ADI1: variants seen among roughly 807,000 people sequenced by gnomAD.
ADI1 encodes acireductone dioxygenase 1.
ADI1 carries 21 observed loss-of-function variants against 18.7 expected under a neutral mutation model. The ratio of observed to expected loss-of-function variants is 1.13; its 90% CI spans 0.80 to 1.62. The LOEUF is 1.62. ADI1 is among the 40% of genes most tolerant of loss of function. The pLI, the probability that ADI1 is intolerant of heterozygous loss-of-function variation, is 0.00. For missense variants in ADI1, 245 were observed against 254.9 expected, an observed-to-expected ratio of 0.96 and a Z score of 0.26; for synonymous variants, 90 against 100.1, an observed-to-expected ratio of 0.90 and a Z score of 0.60.
Position 3,500,831 on chromosome 2 carries a change from A to G in ADI1, c.403T>C (p.Phe135Leu), listed in dbSNP as rs201541392. ...VTLPAGIYHRFTVDEKNYTKA... is the reference protein window; with the variant it reads ...VTLPAGIYHRLTVDEKNYTKA... ...ACTCCCACCTTCTCGTCCACCGTGA[A>G]GCGGTGATAGATCCCCGCGGGGAGC... is the stretch of plus-strand genomic sequence containing the variant. Residue 135 changes from phenylalanine (F) to leucine (L), a missense_variant, in exon 3 of 4, where the codon TTC (phenylalanine) becomes CTC (leucine). Physicochemically the swap from Phe to Leu is conservative, Grantham distance 22 (BLOSUM62 0). Transcript: ENST00000327435. The G allele has an allele frequency of 2.5e-6, 4 of 1,614,196 alleles. No individual in the cohort carries two copies. Among genetic ancestry groups the G allele is most frequent in the African/African-American group, 1.3e-5 (1 of 75,072 alleles).
At chr2:3,502,281 T>C (rs185132144) in intron 2 of ADI1, among the ~76,000 whole-genome samples, 2 of 152,314 alleles carry the variant, frequency 1.3e-5, no homozygotes, top group East Asian at 3.9e-4. Flanking sequence ...TCCTCCTGCC[T>C]TGGCCTCCCA....
chr2:3,499,409 C>G lies in ADI1; in HGVS notation c.421-327G>C, dbSNP rs141264057. 3.5e-3 allele frequency among the ~76,000 whole-genome samples: 530 copies of G among 152,304 alleles called. 2 individuals carry two copies. The highest frequency in any genetic ancestry group is 0.012 in the African/African-American group (507 of 41,558). On this transcript the variant is annotated intron_variant, in intron 3 of 3. Transcript: ENST00000327435. ...CAACCCCATGTACCCTCCACCTCCT[C>G]TCCGCCTCATTTGGCTACAGTTTTC...
chr2:3,512,979 G>A (rs557915417), intron 2 of ADI1, among the ~76,000 whole-genome samples: 30 of 152,354 alleles, frequency 2.0e-4, no homozygotes, highest in African/African-American at 7.2e-4. Flanking sequence ...GCACCAGTGT[G>A]CCCTAGATGT....
rs1040786151 is a variant in ADI1, at chr2:3,498,795, T to A, written c.*168A>T. 8.4e-7 allele frequency: 1 copy of A among 1,196,116 alleles called. No individual in the cohort carries two copies. Among genetic ancestry groups the A allele is most frequent in the Non-Finnish European group, 1.1e-6 (1 of 877,500 alleles). 74.1% of individuals were successfully genotyped at this position (1,196,116 alleles called of 1,614,324 possible). A position where few individuals can be genotyped will look rare whatever the true frequency, so the allele number is the denominator to read the frequency against. ...GTGACTCTTTACACTTCCAAGTTGC[T>A]TTCTAGATCCTTTCATTACAAAATA... On this transcript the variant is annotated 3_prime_UTR_variant, in exon 4 of 4. Transcript: ENST00000327435.
intron 3 of ADI1, among the ~76,000 whole-genome samples, chr2:3,499,607 T>C (rs1022241681): frequency 4.6e-5 from 7 of 152,210 alleles, no homozygotes; most frequent in Non-Finnish European, 2.9e-5. Flanking sequence ...AGGGTATTTA[T>C]TACAGCCCTG....
At chr2:3,509,789 G>A (rs1026713028) in intron 2 of ADI1, among the ~76,000 whole-genome samples, 5 of 151,472 alleles carry the variant, frequency 3.3e-5, no homozygotes, top group Non-Finnish European at 4.4e-5. Context: ...GAGGCCAGGA[G>A]TTCAAGACCA....
At chr2:3,511,590 T>C (rs1216391497) in intron 2 of ADI1, among the ~76,000 whole-genome samples, 1 of 152,212 alleles carries the variant, frequency 6.6e-6, no homozygotes, top group East Asian at 1.9e-4. Context: ...AGATATTTCT[T>C]TATAGCAATG....
Position 3,506,186 on chromosome 2 carries a change from G to T in ADI1, c.241-5193C>A, listed in dbSNP as rs532877681. On this transcript the variant is annotated intron_variant, in intron 2 of 3. Transcript: ENST00000327435. ...GCCCAGAGGCACAGGCTGACTACAA[G>T]ACTGAGACTGTCCTAGCTAATGCAA... Among the ~76,000 whole-genome samples, 19 of 152,282 alleles carry T rather than the reference G, an allele frequency of 1.2e-4. No homozygotes were observed. The South Asian group carries it at 2.9e-3, about 23-fold the overall frequency.
chr2:3,504,700 T>A (rs1397853597), intron 2 of ADI1, among the ~76,000 whole-genome samples: 3 of 152,238 alleles, frequency 2.0e-5, no homozygotes, highest in Non-Finnish European at 4.4e-5. Context: ...TTCACCTGTG[T>A]ATGTCTGTAT....
chr2:3,499,035 T>C lies in ADI1; in HGVS notation c.468A>G (p.Thr156=), dbSNP rs1424360532. 6 of 1,614,150 alleles carry C rather than the reference T, an allele frequency of 3.7e-6. No homozygotes were observed. The South Asian group carries it at 5.5e-5, about 15-fold the overall frequency. The change falls in exon 4 of 4, where the codon ACA becomes ACG. Residue 156 remains threonine, a synonymous_variant. Coordinates refer to ENST00000327435, the MANE Select transcript of ADI1 (RefSeq NM_018269.4). ...AATGGTCAGCGGGCCGGTTGTACGC[T>C]GTCCACACCGGTTCTCCCACAAACA... is the stretch of plus-strand genomic sequence containing the variant. ...MRLFVGEPVW[T]AYNRPADHFE... is the part of the protein sequence containing the mutation.
At chr2:3,511,769 G>C (rs1375699377) in intron 2 of ADI1, among the ~76,000 whole-genome samples, 1 of 152,206 alleles carries the variant, frequency 6.6e-6, no homozygotes, top group Non-Finnish European at 1.5e-5. Flanking sequence ...ACTTTTTAGA[G>C]ACTGGTTAAC....
intron 1 of ADI1, 124 bp from the exon 2 acceptor site, chr2:3,514,100 T>C (rs1667349277): frequency 8.5e-7 from 1 of 1,175,336 alleles, no homozygotes; most frequent in Non-Finnish European, 1.2e-6. Flanking sequence ...TTTTCAACCC[T>C]CAACTAACTC....
intron 1 of ADI1, among the ~76,000 whole-genome samples, chr2:3,518,358 T>C (rs1335520871): frequency 1.3e-5 from 2 of 152,206 alleles, no homozygotes; most frequent in Non-Finnish European, 2.9e-5. Context: ...TTAAATCACA[T>C]GAATGAAGAT....
chr2:3,507,814 C>G (rs560504879), intron 2 of ADI1, among the ~76,000 whole-genome samples: 17 of 152,120 alleles, frequency 1.1e-4, no homozygotes, highest in African/African-American at 3.9e-4. Context: ...ATGTCAGTAA[C>G]AATGTATTAG....
intron 2 of ADI1, among the ~76,000 whole-genome samples, chr2:3,501,813 C>G (rs935786487): frequency 6.6e-6 from 1 of 152,126 alleles, no homozygotes; most frequent in Admixed American, 6.6e-5. Flanking sequence ...CAGGTGGAAG[C>G]CACCACGCCT....
intron 2 of ADI1, among the ~76,000 whole-genome samples, 166 bp downstream of exon 2, chr2:3,513,691 C>T (rs558094457): frequency 6.6e-6 from 1 of 152,264 alleles, no homozygotes; most frequent in East Asian, 1.9e-4. Flanking sequence ...GAACTGTGGG[C>T]CAATTAAATC....
chr2:3,499,045 G>C lies in ADI1; in HGVS notation c.458C>G (p.Pro153Arg). The change falls in exon 4 of 4, where the codon CCG becomes CGG. Residue 153 changes from proline (P) to arginine (R), a missense_variant. Physicochemically the swap from Pro to Arg is moderately radical, Grantham distance 103. Transcript: ENST00000327435. Reference sequence around the variant, plus strand: ...GGGCCGGTTGTACGCTGTCCACACCGGTTCTCCCACAAACAGCCGCATGGC... The same window carrying C: ...GGGCCGGTTGTACGCTGTCCACACCCGTTCTCCCACAAACAGCCGCATGGC... ...TKAMRLFVGE[P>R]VWTAYNRPAD... 6.2e-7 allele frequency: 1 copy of C among 1,614,006 alleles called. No individual in the cohort carries two copies. The highest frequency in any genetic ancestry group is 8.5e-7 in the Non-Finnish European group (1 of 1,179,880).
intron 1 of ADI1, among the ~76,000 whole-genome samples, chr2:3,518,684 T>G (rs535615174): frequency 6.8e-6 from 1 of 147,572 alleles, no homozygotes; most frequent in South Asian, 2.1e-4. Flanking sequence ...CTCGATCTGC[T>G]GGCGCCCGGT....
At chr2:3,505,215 C>T (rs1215563761) in intron 2 of ADI1, among the ~76,000 whole-genome samples, 1 of 152,204 alleles carries the variant, frequency 6.6e-6, no homozygotes, top group African/African-American at 2.4e-5. Flanking sequence ...GCAGAACAAA[C>T]TGAAAAACCA....
Sources: allele counts gnomAD v4.1 joint callset (sites outside exome capture counted in the v4.1 genomes callset), GRCh38; gene constraint gnomAD v4.1.1; transcripts MANE v1.5; gene names NCBI Gene and HGNC (gene_info 2026-07-23, HGNC 2026-07-21).